KLHL5: variants seen among roughly 807,000 people sequenced by gnomAD.
KLHL5 encodes the protein kelch-like protein 5.
A neutral mutation model predicts 77.7 loss-of-function variants in KLHL5; 48 were observed. The observed-to-expected ratio is 0.62, with a 90% CI of 0.49 to 0.79. The LOEUF (loss-of-function observed/expected upper bound fraction) is 0.79, where lower values mean the gene tolerates loss of function less well. Ranked by LOEUF, KLHL5 falls within the 30% of genes least tolerant of loss-of-function variation. KLHL5 has a pLI of 0.00. For synonymous variants in KLHL5, 260 were observed against 297.0 expected (o/e 0.88, Z 1.28); for missense variants, 723 against 859.7 (o/e 0.84, Z 1.99).
chr4:39,114,468 T>A (rs200762304), intron 9 of KLHL5, among the ~76,000 whole-genome samples: 1 of 34,968 alleles, frequency 2.9e-5, no homozygotes, highest in Non-Finnish European at 9.0e-5. Context: ...AATTTCAACG[T>A]TGAGTTTTGG....
chr4:39,081,001 C>A lies in KLHL5; in HGVS notation c.567-102C>A. The A allele has an allele frequency of 8.7e-7, 1 of 1,148,940 alleles. No individual in the cohort carries two copies. Among genetic ancestry groups the A allele is most frequent in the Non-Finnish European group, 1.2e-6 (1 of 801,910 alleles). The allele number at this position is 1,148,940 out of a possible 1,614,324, so 71.2% of individuals were successfully genotyped here. A position where few individuals can be genotyped will look rare whatever the true frequency, so the allele number is the denominator to read the frequency against. ...CAAGCTTAAAATGCATTTCCTAGTACCATGCACTGTGAGTAACAAATAAAA... is the reference window on the plus strand; with the variant it reads ...CAAGCTTAAAATGCATTTCCTAGTAACATGCACTGTGAGTAACAAATAAAA... On this transcript the variant is annotated intron_variant, in intron 2 of 10. Transcript: ENST00000504108. This position sits in a 1 kb window ranked among gnomAD's most constrained non-coding sequence, Gnocchi z 4.3.
chr4:39,122,429 G>A lies in KLHL5; in HGVS notation c.*1363G>A, dbSNP rs980594140. Among the ~76,000 whole-genome samples, 1 of 152,148 alleles carries A rather than the reference G, an allele frequency of 6.6e-6. No homozygotes were observed. The highest frequency in any genetic ancestry group is 1.5e-5 in the Non-Finnish European group (1 of 68,038). On this transcript the variant is annotated 3_prime_UTR_variant, in exon 11 of 11. Coordinates refer to ENST00000504108, the MANE Select transcript of KLHL5 (RefSeq NM_015990.5). ...TTAGCCCCAAGGTTATATATTGCAA[G>A]TAAGTGGCAGAGCAGGGATTCATAC...
intron 10 of KLHL5, among the ~76,000 whole-genome samples, chr4:39,118,761 A>C (rs1277645300): frequency 6.6e-6 from 1 of 152,102 alleles, no homozygotes; most frequent in Non-Finnish European, 1.5e-5. Context: ...CCTCTCAAAA[A>C]AAAAAAGCAG....
At chr4:39,079,683 C>T (rs1443992237) in intron 2 of KLHL5, among the ~76,000 whole-genome samples, 1 of 152,168 alleles carries the variant, frequency 6.6e-6, no homozygotes, top group Non-Finnish European at 1.5e-5. Context: ...ACAGAATTTA[C>T]TTCTACTGAT....
chr4:39,052,076 T>G (rs572548969), intron 1 of KLHL5, among the ~76,000 whole-genome samples: 4 of 152,132 alleles, frequency 2.6e-5, no homozygotes, highest in Non-Finnish European at 1.5e-5. Context: ...ATATTTCTTT[T>G]GCTTATTTTG....
At chr4:39,101,126 T>TATATATATA (rs1553892884) in intron 6 of KLHL5, among the ~76,000 whole-genome samples, 1 of 134,844 alleles carries the variant, frequency 7.4e-6, no homozygotes, top group African/African-American at 2.8e-5. Flanking sequence ...TATTTGGATT[T>TATATATATA]TATATATATA....
intron 6 of KLHL5, among the ~76,000 whole-genome samples, chr4:39,098,890 A>G (rs1055753606): frequency 1.3e-5 from 2 of 150,260 alleles, no homozygotes; most frequent in African/African-American, 2.4e-5. Context: ...ACAGTTCAGG[A>G]AAAAAAAAAT....
downstream of KLHL5, among the ~76,000 whole-genome samples, chr4:39,130,018 C>T (rs1723734093): frequency 6.6e-6 from 1 of 152,242 alleles, no homozygotes; most frequent in African/African-American, 2.4e-5. Flanking sequence ...TTCTCAACTA[C>T]AGTGTCATGG....
At chr4:39,053,328 T>C (rs1716789527) in intron 1 of KLHL5, among the ~76,000 whole-genome samples, 1 of 152,200 alleles carries the variant, frequency 6.6e-6, no homozygotes, top group African/African-American at 2.4e-5. Context: ...TTTAATTGAT[T>C]ATACTTGTGT....
In KLHL5 at chr4:39,121,045, T is replaced by A; in HGVS notation, c.2109T>A (p.Cys703Ter). 6.2e-7 allele frequency: 1 copy of A among 1,613,182 alleles called. No homozygotes were observed. The highest frequency in any genetic ancestry group is 8.5e-7 in the Non-Finnish European group (1 of 1,179,266). ...APLCLGRAGA[C>*]VVTVKL ...TGTGCCTAGGAAGAGCTGGAGCTTG[T>A]GTTGTGACTGTAAAATTATAATTTA... The change falls in exon 11 of 11, where the codon TGT (cysteine) becomes TGA (stop). Residue 703 changes from cysteine (C) to a stop codon, truncating the protein, a stop_gained. Transcript: ENST00000504108. LOFTEE classifies it high-confidence loss of function.
chr4:39,077,711 A>G (rs1290805074), intron 2 of KLHL5, among the ~76,000 whole-genome samples: 3 of 143,212 alleles, frequency 2.1e-5, no homozygotes, highest in Non-Finnish European at 4.6e-5. Context: ...AAAAAAAAAC[A>G]AAAAACAAAC....
In KLHL5 at chr4:39,062,703, A is replaced by G. The variant is rs1464735574; in HGVS notation, c.51A>G (p.Arg17=). ...ATGTGAAACAGATTTTGAAAATCAG[A>G]TGGAGGTGGTTTGGTCATCAAGCAT... ...EFDVKQILKI[R]WRWFGHQASS... is the part of the protein sequence containing the mutation. Residue 17 remains arginine, a synonymous_variant, in exon 1 of 11, where the codon AGA becomes AGG. Transcript: ENST00000504108. 1.2e-6 allele frequency: 2 copies of G among 1,614,022 alleles called. No individual in the cohort carries two copies. Among genetic ancestry groups the G allele is most frequent in the Admixed American group, 1.7e-5 (1 of 59,998 alleles).
At chr4:39,127,113 A>C (rs766648965), downstream of KLHL5, among the ~76,000 whole-genome samples, 1 of 152,004 alleles carries the variant, frequency 6.6e-6, no homozygotes, top group Admixed American at 6.6e-5. Context: ...AGGCTGGGGG[A>C]TTGCTTGAGC....
chr4:39,093,824 T>C (rs189993203), intron 5 of KLHL5, among the ~76,000 whole-genome samples: 1 of 151,918 alleles, frequency 6.6e-6, no homozygotes, highest in South Asian at 2.1e-4. Flanking sequence ...GAGAATTGCC[T>C]GAACCTGGGA....
chr4:39,096,880 T>C lies in KLHL5; in HGVS notation c.1300+2T>C. On this transcript the variant is annotated splice_donor_variant, in intron 6 of 10. Coordinates refer to ENST00000504108, the MANE Select transcript of KLHL5 (RefSeq NM_015990.5). LOFTEE classifies it high-confidence loss of function. ...TTGGGGGAATGGATTCAACAAAAGG[T>C]ATCAAATAATCTTTTATTTGGGGAG... 1 of 1,607,458 alleles carries C rather than the reference T, an allele frequency of 6.2e-7. No individual in the cohort carries two copies. The highest frequency in any genetic ancestry group is 8.5e-7 in the Non-Finnish European group (1 of 1,174,372).
chr4:39,049,908 C>G (rs895802681), intron 1 of KLHL5, among the ~76,000 whole-genome samples: 25 of 151,770 alleles, frequency 1.6e-4, no homozygotes, highest in African/African-American at 6.1e-4. Flanking sequence ...CACATCTCTA[C>G]TAAAATTACA....
intron 1 of KLHL5, chr4:39,045,148 C>A: frequency 3.0e-6 from 3 of 984,230 alleles, no homozygotes; most frequent in Non-Finnish European, 3.6e-6. Context: ...TCGGGCAGGG[C>A]CCGCTTCCCG....
chr4:39,095,961 G>T (rs908247240), intron 5 of KLHL5, among the ~76,000 whole-genome samples: 1 of 151,992 alleles, frequency 6.6e-6, no homozygotes, highest in Non-Finnish European at 1.5e-5. Context: ...CTGCACACCA[G>T]GTTGTTTATA....
chr4:39,102,730 T>G (rs1721695508), intron 6 of KLHL5, among the ~76,000 whole-genome samples: 1 of 152,158 alleles, frequency 6.6e-6, no homozygotes, highest in East Asian at 1.9e-4. Flanking sequence ...AAACAAAACC[T>G]TCCTCAACTC....
Sources: gnomAD v4.1 joint callset for allele counts (sites outside exome capture counted in the v4.1 genomes callset) on GRCh38, gnomAD v4.1.1 for gene constraint, Gnocchi (gnomAD v3.1) non-coding constraint, MANE v1.5 for transcripts, NCBI Gene and HGNC (gene_info 2026-07-23, HGNC 2026-07-21) for gene names.